RYR3: variants seen among roughly 807,000 people sequenced by gnomAD.
RYR3 encodes ryanodine receptor 3, also known as brain ryanodine receptor-calcium release channel.
RYR3 carries 207 observed loss-of-function variants against 584.3 expected under a neutral mutation model. The ratio of observed to expected loss-of-function variants is 0.35; its 90% CI spans 0.32 to 0.40. RYR3 has a LOEUF of 0.40. Ranked by LOEUF, RYR3 falls within the 10% of genes least tolerant of loss-of-function variation. RYR3 has a pLI of 1.00. For synonymous variants in RYR3, 2,416 were observed against 2,248.5 expected, an observed-to-expected ratio of 1.07 and a Z score of -2.11; for missense variants, 5,616 against 6,089.2, an observed-to-expected ratio of 0.92 and a Z score of 2.59.
intron 1 of RYR3, among the ~76,000 whole-genome samples, chr15:33,398,836 G>A (rs545247176): frequency 8.5e-5 from 13 of 152,290 alleles, no homozygotes; most frequent in African/African-American, 2.6e-4. Flanking sequence ...GGAGGGACTC[G>A]TTCACATGGC....
intron 2 of RYR3, among the ~76,000 whole-genome samples, chr15:33,494,467 G>A (rs1333424890): frequency 6.6e-6 from 1 of 152,074 alleles, no homozygotes; most frequent in Non-Finnish European, 1.5e-5. Flanking sequence ...AAGTCTCCTG[G>A]TGCTATGATA....
At chr15:33,857,967 C>T in intron 99 of RYR3, 53 bp downstream of exon 99, 1 of 1,604,398 alleles carries the variant, frequency 6.2e-7, no homozygotes, top group Non-Finnish European at 8.5e-7. Flanking sequence ...GCCACCCCGC[C>T]CCACCACCTC....
Position 33,858,059 on chromosome 15 carries a change from C to T in RYR3, c.14142+145C>T, listed in dbSNP as rs865860341. On this transcript the variant is annotated intron_variant, in intron 99 of 103. Transcript: ENST00000634891. The stretch of plus-strand genomic sequence containing the variant: ...GCACAGCAGAGATTAAAGTAGAAGA[C>T]AGATGTCTTCTCCAAACAGGAGAGT... The T allele has an allele frequency of 4.1e-5, 44 of 1,064,702 alleles. 1 individual carries two copies. The South Asian group carries it at 6.9e-4, about 17-fold the overall frequency. The allele number at this position is 1,064,702 out of a possible 1,614,324, so 66.0% of individuals were successfully genotyped here.
At chr15:33,313,704 G>A (rs1045946249) in intron 1 of RYR3, among the ~76,000 whole-genome samples, 3 of 152,100 alleles carry the variant, frequency 2.0e-5, no homozygotes, top group East Asian at 1.9e-4. Context: ...TCCTCACATC[G>A]ACATGGTCCT....
At chr15:33,768,563 C>A in intron 60 of RYR3, 95 bp from the exon 61 acceptor site, 1 of 1,062,354 alleles carries the variant, frequency 9.4e-7, no homozygotes, top group Admixed American at 1.7e-5. Context: ...TCTGTGCTCT[C>A]TGTTTCACAG....
intron 2 of RYR3, among the ~76,000 whole-genome samples, chr15:33,487,027 A>G (rs1187469636): frequency 6.6e-6 from 1 of 152,016 alleles, no homozygotes; most frequent in Non-Finnish European, 1.5e-5. Context: ...GCAAAAACCC[A>G]TACCTACTAA....
At chr15:33,833,187 A>G (rs890072653) in intron 86 of RYR3, among the ~76,000 whole-genome samples, 7 of 152,208 alleles carry the variant, frequency 4.6e-5, no homozygotes, top group Non-Finnish European at 8.8e-5. Flanking sequence ...GACAGAAGAC[A>G]TAGGTGAGGA....
At chr15:33,514,815 C>T (rs1443553417) in intron 3 of RYR3, among the ~76,000 whole-genome samples, 1 of 151,904 alleles carries the variant, frequency 6.6e-6, no homozygotes, top group East Asian at 1.9e-4. Flanking sequence ...TCCTGGTTAA[C>T]ACGGTGAAAC....
At chr15:33,623,440 T>G (rs2060827162) in intron 19 of RYR3, among the ~76,000 whole-genome samples, 1 of 152,234 alleles carries the variant, frequency 6.6e-6, no homozygotes, top group African/African-American at 2.4e-5. Context: ...ACTGTAATTT[T>G]TATATGATCT....
chr15:33,651,747 C>G (rs1428116830), intron 31 of RYR3, among the ~76,000 whole-genome samples: 1 of 152,182 alleles, frequency 6.6e-6, no homozygotes, highest in Non-Finnish European at 1.5e-5. Flanking sequence ...ATCAGACTGA[C>G]CCTAAGATGT....
chr15:33,785,555 T>A, intron 65 of RYR3, 107 bp from the exon 66 acceptor site: 1 of 901,374 alleles, frequency 1.1e-6, no homozygotes, highest in South Asian at 1.8e-5. Flanking sequence ...GCTGTGAAGC[T>A]CTAGAAATTT....
Position 33,669,051 on chromosome 15 carries a change from G to A in RYR3, c.5620-303G>A, listed in dbSNP as rs371960722. Among the ~76,000 whole-genome samples the A allele has an allele frequency of 1.4e-4, 21 of 152,076 alleles. No individual in the cohort carries two copies. The South Asian group carries it at 3.3e-3, about 24-fold the overall frequency. Reference sequence around the variant, plus strand: ...TCTGGAATGTGATCCCATTCTGTGCGTATACCTACATAATGTCAGGAAGAC... The same window carrying A: ...TCTGGAATGTGATCCCATTCTGTGCATATACCTACATAATGTCAGGAAGAC... On this transcript the variant is annotated intron_variant, in intron 36 of 103. Transcript: ENST00000634891.
intron 74 of RYR3, among the ~76,000 whole-genome samples, chr15:33,816,647 C>G (rs767998712): frequency 3.3e-5 from 5 of 152,178 alleles, no homozygotes; most frequent in African/African-American, 1.2e-4. Flanking sequence ...TAACCATTGT[C>G]ATTTTCAGAA....
chr15:33,329,870 A>G (rs1970171487), intron 1 of RYR3, among the ~76,000 whole-genome samples: 1 of 152,186 alleles, frequency 6.6e-6, no homozygotes, highest in East Asian at 1.9e-4. Flanking sequence ...GTCTGTGGCA[A>G]TGTAATGCCA....
rs572920569 is a variant in RYR3 at position 33,524,619 on chromosome 15, G to A, written c.280-5973G>A. ...TTGCTTTGCAAAAGGGTTGTATTCC[G>A]TACCACCTTGCCTGGAATCTCATCA... On this transcript the variant is annotated intron_variant, in intron 3 of 103. Transcript: ENST00000634891. Among the ~76,000 whole-genome samples the A allele has an allele frequency of 1.9e-4, 29 of 152,080 alleles. 1 individual carries two copies. In the South Asian group the frequency reaches 3.7e-3, roughly 20 times the overall value.
intron 8 of RYR3, among the ~76,000 whole-genome samples, chr15:33,546,714 C>T (rs1276897930): frequency 6.6e-6 from 1 of 151,862 alleles, no homozygotes. Context: ...GGGGCTTGCC[C>T]GAGATCACAC....
At chr15:33,317,458 C>T (rs1968350828) in intron 1 of RYR3, among the ~76,000 whole-genome samples, 1 of 151,792 alleles carries the variant, frequency 6.6e-6, no homozygotes, top group Non-Finnish European at 1.5e-5. Context: ...GTCCTCTCAG[C>T]CATCTTCTTG....
intron 1 of RYR3, among the ~76,000 whole-genome samples, chr15:33,383,753 CA>C (rs1399133098): frequency 6.6e-6 from 1 of 152,122 alleles, no homozygotes; most frequent in Non-Finnish European, 1.5e-5. Context: ...CCAGCAATCC[CA>C]TTGCTAGGTA....
chr15:33,664,931 A>G (rs190231937), intron 36 of RYR3, among the ~76,000 whole-genome samples: 3 of 152,314 alleles, frequency 2.0e-5, no homozygotes, highest in Non-Finnish European at 2.9e-5. Flanking sequence ...ACTCTCTTGA[A>G]TGATACCAGC....
Sources: allele counts gnomAD v4.1 joint callset (sites outside exome capture counted in the v4.1 genomes callset), GRCh38; gene constraint gnomAD v4.1.1; transcripts MANE v1.5; gene names NCBI Gene and HGNC (gene_info 2026-07-23, HGNC 2026-07-21).